The following RTEL1 variants were observed in gnomAD, a reference collection of about 807,000 sequenced individuals.
The protein encoded by RTEL1 is regulator of telomere elongation helicase 1, also known as regulator of telomere length.
A neutral mutation model predicts 162.2 loss-of-function variants in RTEL1; 86 were observed. The observed-to-expected ratio is 0.53, with a 90% CI of 0.45 to 0.63. The LOEUF (loss-of-function observed/expected upper bound fraction) is 0.63, where lower values mean the gene tolerates loss of function less well. RTEL1 is among the 30% of genes least tolerant of loss of function. RTEL1 has a pLI of 0.00. For synonymous variants in RTEL1, 958 were observed against 717.9 expected, an observed-to-expected ratio of 1.33 and a Z score of -5.35; for missense variants, 1,941 against 1,750.2, an observed-to-expected ratio of 1.11 and a Z score of -1.95.
At chr20:63,673,439 A>ATTGT (rs904749251) in intron 9 of RTEL1, among the ~76,000 whole-genome samples, 4 of 151,808 alleles carry the variant, frequency 2.6e-5, no homozygotes, top group South Asian at 4.2e-4. Flanking sequence ...CAGTGAAATA[A>ATTGT]TTGTTTGTTT....
Position 63,691,782 on chromosome 20 carries a change from G to A in RTEL1, c.2597G>A (p.Arg866Lys), listed in dbSNP as rs1316053268. 3 of 1,612,428 alleles carry A rather than the reference G, an allele frequency of 1.9e-6. No homozygotes were observed. Among genetic ancestry groups the A allele is most frequent in the African/African-American group, 2.7e-5 (2 of 74,924 alleles). The part of the protein sequence containing the change: ...CSTLSLLSEK[R>K]PAEEPRGGRK... ...ACCCTGTCCCTCCTGTCTGAGAAGA[G>A]GCCGGCAGAAGAACCGCGAGGAGGG... The change falls in exon 28 of 35, where the codon AGG becomes AAG. Residue 866 changes from arginine (R) to lysine (K), a missense_variant. By Grantham distance (26) the Arg-to-Lys change is conservative (BLOSUM62 2). Coordinates refer to ENST00000360203, the MANE Select transcript of RTEL1 (RefSeq NM_001283009.2).
chr20:63,690,118 C>T lies in RTEL1; in HGVS notation c.2173C>T (p.Pro725Ser), dbSNP rs769009037. 1.2e-6 allele frequency: 2 copies of T among 1,612,172 alleles called. No homozygotes were observed. Among genetic ancestry groups the T allele is most frequent in the African/African-American group, 2.7e-5 (2 of 74,934 alleles). The change falls in exon 25 of 35, where the codon CCC becomes TCC. Residue 725 changes from proline to serine, a missense_variant. Coordinates refer to ENST00000360203, the MANE Select transcript of RTEL1 (RefSeq NM_001283009.2). ...CTTTGCCGACGCAAGAGCCCAACTGCCCTCCTGGGTGCGTCCCCACGTCAG... is the reference window on the plus strand; with the variant it reads ...CTTTGCCGACGCAAGAGCCCAACTGTCCTCCTGGGTGCGTCCCCACGTCAG... ...FAFADARAQL[P>S]SWVRPHVRVY...
In RTEL1 at chr20:63,690,767, C is replaced by G; in HGVS notation, c.2414-38C>G. ...ACAGGCAGGGACCCCAGCTGGGGCC[C>G]CCCGTGGGCTTCACTGCGCACTCGG... On this transcript the variant is annotated intron_variant, in intron 26 of 34. Transcript: ENST00000360203. The G allele has an allele frequency of 3.8e-6, 6 of 1,565,248 alleles. No homozygotes were observed. The Admixed American group carries it at 1.1e-4, about 30-fold the overall frequency.
At position 63,690,864 on chromosome 20, in the gene RTEL1, G is replaced by A. The variant is rs1399545162; in HGVS notation, c.2473G>A (p.Val825Ile). Residue 825 changes from valine to isoleucine, a missense_variant, in exon 27 of 35, where the codon GTT becomes ATT. Transcript: ENST00000360203. ...SLCVEYEQEP[V>I]PARQRPRGLL... ...GTGTGTGGAGTATGAGCAGGAGCCA[G>A]TTCCTGCCCGGCAGAGGCCCAGGGG... 3 of 1,602,018 alleles carry A rather than the reference G, an allele frequency of 1.9e-6. No homozygotes were observed. The highest frequency in any genetic ancestry group is 1.7e-5 in the Admixed American group (1 of 58,886).
intron 10 of RTEL1, 70 bp downstream of exon 10, chr20:63,674,163 A>T (rs1421310123): frequency 7.8e-6 from 12 of 1,533,870 alleles, no homozygotes; most frequent in Non-Finnish European, 7.9e-6. Flanking sequence ...CCCGGAGTTC[A>T]GCACGGACTC....
Position 63,675,503 on chromosome 20 carries a change from TATA to T in RTEL1, c.919+1411_919+1413del, listed in dbSNP as rs1475981004. On this transcript the variant is annotated intron_variant, in intron 10 of 34. Coordinates refer to ENST00000360203, the MANE Select transcript of RTEL1 (RefSeq NM_001283009.2). ...AGGTGTTCTGGCTTTAGAATCCCTT[TATA>T]TATATATATATATACATATATTTAA... 1.9e-3 allele frequency among the ~76,000 whole-genome samples: 15 copies of T among 7,782 alleles called. No individual in the cohort carries two copies. The African/African-American group carries it at 0.066, about 34-fold the overall frequency. The allele number at this position is 7,782 out of a possible 152,430, so 5.1% of individuals were successfully genotyped here.
chr20:63,664,589 C>T (rs1470258177), intron 6 of RTEL1, among the ~76,000 whole-genome samples: 1 of 152,224 alleles, frequency 6.6e-6, no homozygotes, highest in Non-Finnish European at 1.5e-5. Flanking sequence ...CACAGGCCAG[C>T]CCCTGCCTGT....
At chr20:63,662,708 C>G (rs999812263) in intron 5 of RTEL1, 81 bp downstream of exon 5, 1 of 1,603,534 alleles carries the variant, frequency 6.2e-7, no homozygotes, top group Non-Finnish European at 8.5e-7. Flanking sequence ...GCTGCGCTCC[C>G]GCTGGGCTAG....
At chr20:63,694,514 G>T in intron 31 of RTEL1, 26 bp downstream of exon 31, 1 of 1,542,064 alleles carries the variant, frequency 6.5e-7, no homozygotes, top group South Asian at 1.1e-5. Flanking sequence ...ACCGTGTGCA[G>T]CCTACGACTT....
intron 9 of RTEL1, 98 bp downstream of exon 9, chr20:63,672,719 G>A (rs2090269602): frequency 2.0e-6 from 2 of 1,001,404 alleles, no homozygotes; most frequent in African/African-American, 1.6e-5. Flanking sequence ...CCAAACTCCT[G>A]AAGCCCTAGG....
chr20:63,685,835 G>A lies in RTEL1; in HGVS notation c.1311G>A (p.Arg437=), dbSNP rs373693726. The part of the protein sequence containing the change: ...PDAGHRRTAQ[R]SDAWSTTAAR... ...CTGGTCACCGGAGGACGGCTCAGCGGTCTGATGCCTGGAGCACCACTGCAG... is the reference window on the plus strand; with the variant it reads ...CTGGTCACCGGAGGACGGCTCAGCGATCTGATGCCTGGAGCACCACTGCAG... The change falls in exon 16 of 35, where the codon CGG becomes CGA. Residue 437 remains arginine (R), a synonymous_variant. Transcript: ENST00000360203. 1.9e-6 allele frequency: 3 copies of A among 1,612,674 alleles called. No homozygotes were observed. The highest frequency in any genetic ancestry group is 2.2e-5 in the East Asian group (1 of 44,874).
chr20:63,673,630 G>T (rs1022399093), intron 9 of RTEL1, among the ~76,000 whole-genome samples: 6 of 152,054 alleles, frequency 3.9e-5, no homozygotes, highest in Non-Finnish European at 7.4e-5. Context: ...GTAGAGGCGG[G>T]GTTTCCCAGC....
chr20:63,685,823 G>A lies in RTEL1; in HGVS notation c.1299G>A (p.Arg433=), dbSNP rs1363109093. 1.4e-5 allele frequency: 23 copies of A among 1,612,692 alleles called. No homozygotes were observed. Among genetic ancestry groups the A allele is most frequent in the Non-Finnish European group, 1.9e-5 (23 of 1,179,926 alleles). Residue 433 remains arginine, a synonymous_variant, in exon 16 of 35, where the codon AGG becomes AGA. Transcript: ENST00000360203. ...TCCATCCTGATGCTGGTCACCGGAG[G>A]ACGGCTCAGCGGTCTGATGCCTGGA... ...VHIHPDAGHR[R]TAQRSDAWST...
chr20:63,694,617 G>A, intron 31 of RTEL1, 124 bp from the exon 32 acceptor site: 1 of 1,214,802 alleles, frequency 8.2e-7, no homozygotes, highest in Non-Finnish European at 1.2e-6. Context: ...ACTGCTCCCG[G>A]TTCTGCACCC....
chr20:63,693,333 G>C (rs775146085), intron 30 of RTEL1, 50 bp downstream of exon 30: 5 of 1,603,992 alleles, frequency 3.1e-6, no homozygotes, highest in South Asian at 1.1e-5. Context: ...GGAAGGCAGT[G>C]TGGGCCAGAG....
intron 9 of RTEL1, 106 bp from the exon 10 acceptor site, chr20:63,673,834 T>C (rs913079797): frequency 7.5e-7 from 1 of 1,329,380 alleles, no homozygotes; most frequent in African/African-American, 1.5e-5. Context: ...CTTTGGGAAC[T>C]TGGCTGTCAG....
intron 1 of RTEL1, chr20:63,658,800 C>T (rs1258917378): frequency 6.3e-6 from 1 of 157,730 alleles, no homozygotes; most frequent in East Asian, 1.8e-4. Flanking sequence ...CCGGCATGCT[C>T]TTTCGCTACT....
At position 63,690,337 on chromosome 20, in the gene RTEL1, GAGA is replaced by G. The variant is rs558133631; in HGVS notation, c.2313_2315del (p.Glu771del). 8,431 of 1,610,860 alleles carry G rather than the reference GAGA, an allele frequency of 5.2e-3. 30 individuals carry two copies. Among genetic ancestry groups the G allele is most frequent in the Non-Finnish European group, 5.5e-3 (6,540 of 1,178,788 alleles). ...CGGGCTACAGCACCCAGTGTGCGTG[GAGA>G]AGATGCTGTCAGCGAGGCCAAGTCG... On this transcript the variant is annotated inframe_deletion, in exon 26 of 35. Coordinates refer to ENST00000360203, the MANE Select transcript of RTEL1 (RefSeq NM_001283009.2).
At chr20:63,674,697 C>G (rs910980544) in intron 10 of RTEL1, among the ~76,000 whole-genome samples, 5 of 117,432 alleles carry the variant, frequency 4.3e-5, no homozygotes, top group African/African-American at 1.6e-4. Context: ...GAGGCCATCT[C>G]AAAAAAAAAA....
Sources: gnomAD v4.1 joint callset for allele counts (sites outside exome capture counted in the v4.1 genomes callset) on GRCh38, gnomAD v4.1.1 for gene constraint, MANE v1.5 for transcripts, NCBI Gene and HGNC (gene_info 2026-07-23, HGNC 2026-07-21) for gene names.